The following SKAP2 variants were observed in gnomAD, a reference collection of about 807,000 sequenced individuals.
The protein encoded by SKAP2 is src kinase associated phosphoprotein 2.
In SKAP2, 28 loss-of-function variants were observed where a neutral mutation model predicts 54.9. The ratio of observed to expected loss-of-function variants is 0.51; its 90% CI spans 0.38 to 0.70. SKAP2 has a LOEUF of 0.70. SKAP2 is among the 30% of genes least tolerant of loss of function. The pLI, the probability that SKAP2 is intolerant of heterozygous loss-of-function variation, is 0.00. For synonymous variants in SKAP2, 137 were observed against 134.3 expected (o/e 1.02, Z -0.14); for missense variants, 356 against 424.1 (o/e 0.84, Z 1.41).
At chr7:26,817,396 CAG>C (rs1016649983) in intron 4 of SKAP2, among the ~76,000 whole-genome samples, 4 of 151,976 alleles carry the variant, frequency 2.6e-5, no homozygotes, top group African/African-American at 9.7e-5. Flanking sequence ...TATTAAAACT[CAG>C]TGGATAGTAA....
chr7:26,685,672 T>C (rs1025665670), intron 10 of SKAP2, among the ~76,000 whole-genome samples: 1 of 152,212 alleles, frequency 6.6e-6, no homozygotes, highest in Non-Finnish European at 1.5e-5. Flanking sequence ...TATTTAGCAC[T>C]TTCCACTCTG....
chr7:26,816,464 G>A (rs1297562706), intron 4 of SKAP2, among the ~76,000 whole-genome samples: 1 of 151,934 alleles, frequency 6.6e-6, no homozygotes, highest in East Asian at 1.9e-4. Flanking sequence ...AGATATTAAA[G>A]ATAAGAAAAT....
chr7:26,668,729 G>A lies in SKAP2; in HGVS notation c.*937C>T, dbSNP rs932233797. The A allele has an allele frequency of 3.4e-5, 5 of 146,414 alleles. No homozygotes were observed. The highest frequency in any genetic ancestry group is 7.0e-5 in the Admixed American group (1 of 14,322). 9.1% of individuals were successfully genotyped at this position (146,414 alleles called of 1,614,324 possible). A position where few individuals can be genotyped will look rare whatever the true frequency, so the allele number is the denominator to read the frequency against. ...CGCCCAGGCTGGAGTGCAGTGGCGC[G>A]ATCTTGGCTCACTGCAACCTCTGCC... On this transcript the variant is annotated 3_prime_UTR_variant, in exon 13 of 13. Transcript: ENST00000345317.
chr7:26,818,221 C>T (rs929762685), intron 4 of SKAP2, among the ~76,000 whole-genome samples: 7 of 151,956 alleles, frequency 4.6e-5, no homozygotes, highest in Non-Finnish European at 8.8e-5. Context: ...AACAGCATGG[C>T]ACTGGTACCA....
At chr7:26,677,953 A>G (rs1786389189) in intron 11 of SKAP2, among the ~76,000 whole-genome samples, 1 of 152,214 alleles carries the variant, frequency 6.6e-6, no homozygotes, top group African/African-American at 2.4e-5. Context: ...TTAACCTCTG[A>G]TATAGAAGAA....
At chr7:26,852,104 G>A (rs1449572481) in intron 3 of SKAP2, among the ~76,000 whole-genome samples, 1 of 152,048 alleles carries the variant, frequency 6.6e-6, no homozygotes, top group Non-Finnish European at 1.5e-5. Context: ...GAGAAAGGAC[G>A]GGAAAGCAGC....
chr7:26,840,748 T>C (rs1160317826), intron 4 of SKAP2, among the ~76,000 whole-genome samples: 3 of 152,080 alleles, frequency 2.0e-5, no homozygotes, highest in Non-Finnish European at 4.4e-5. Flanking sequence ...ATGAAACTTC[T>C]AATAAGTATA....
chr7:26,714,366 A>G (rs1291860979), intron 9 of SKAP2, among the ~76,000 whole-genome samples: 2 of 152,254 alleles, frequency 1.3e-5, no homozygotes, highest in African/African-American at 2.4e-5. Flanking sequence ...ATAAGTGGCT[A>G]TAAGCAGTTG....
chr7:26,763,597 C>T (rs1206360524), intron 4 of SKAP2, among the ~76,000 whole-genome samples: 1 of 152,118 alleles, frequency 6.6e-6, no homozygotes, highest in African/African-American at 2.4e-5. Flanking sequence ...ATTCTTCAAA[C>T]TTTCATTCAC....
chr7:26,726,016 A>C (rs1382874912), intron 7 of SKAP2, 30 bp from the exon 8 acceptor site: 1 of 1,414,836 alleles, frequency 7.1e-7, no homozygotes, highest in African/African-American at 1.4e-5. Context: ...AAGAACGAAA[A>C]TCACCATAGT....
the SKAP2 span, among the ~76,000 whole-genome samples, chr7:26,659,262 T>TA: frequency 1.5e-4 from 23 of 152,280 alleles, no homozygotes; most frequent in Middle Eastern, 3.4e-3. Flanking sequence ...TATGGCTTTT[T>TA]AAAAAATGCC....
At chr7:26,772,967 A>T (rs1783220236) in intron 4 of SKAP2, among the ~76,000 whole-genome samples, 2 of 152,248 alleles carry the variant, frequency 1.3e-5, no homozygotes, top group African/African-American at 4.8e-5. Flanking sequence ...ACCTGCCTTT[A>T]TGTAGTTTTA....
chr7:26,863,258 T>C (rs1785304612), intron 1 of SKAP2, among the ~76,000 whole-genome samples: 6 of 152,132 alleles, frequency 3.9e-5, no homozygotes, highest in Admixed American at 3.9e-4. Context: ...GCTATAGGAG[T>C]AACATATAAA....
chr7:26,779,158 AATGT>A (rs1193522099), intron 4 of SKAP2, among the ~76,000 whole-genome samples: 1 of 152,046 alleles, frequency 6.6e-6, no homozygotes, highest in African/African-American at 2.4e-5. Flanking sequence ...ATTCCATAAA[AATGT>A]CTGATGGGGG....
chr7:26,843,914 G>A (rs1025746905), intron 4 of SKAP2, 116 bp downstream of exon 4: 2 of 636,688 alleles, frequency 3.1e-6, no homozygotes, highest in East Asian at 5.3e-5. Flanking sequence ...AAAGGTTTTG[G>A]TAAAGGTAAG....
At chr7:26,787,544 A>G (rs1202776334) in intron 4 of SKAP2, among the ~76,000 whole-genome samples, 1 of 151,962 alleles carries the variant, frequency 6.6e-6, no homozygotes, top group African/African-American at 2.4e-5. Flanking sequence ...CCAGGCTGGT[A>G]TTGAACTCCT....
At chr7:26,845,668 C>G (rs1437454000) in intron 3 of SKAP2, among the ~76,000 whole-genome samples, 1 of 152,162 alleles carries the variant, frequency 6.6e-6, no homozygotes, top group Non-Finnish European at 1.5e-5. Context: ...GCAGTGCTCA[C>G]GCCTGTAATC....
intron 4 of SKAP2, among the ~76,000 whole-genome samples, chr7:26,840,388 T>C (rs953268943): frequency 4.6e-5 from 7 of 152,108 alleles, no homozygotes; most frequent in African/African-American, 1.7e-4. Context: ...AGACTTTCCA[T>C]AGTGCTATAT....
intron 4 of SKAP2, among the ~76,000 whole-genome samples, chr7:26,821,160 A>G (rs1784377711): frequency 6.6e-6 from 1 of 152,206 alleles, no homozygotes; most frequent in Non-Finnish European, 1.5e-5. Context: ...AGATACTAAA[A>G]GTACATCTGA....
Sources: gnomAD v4.1 joint callset for allele counts (sites outside exome capture counted in the v4.1 genomes callset) on GRCh38, gnomAD v4.1.1 for gene constraint, MANE v1.5 for transcripts, NCBI Gene and HGNC (gene_info 2026-07-23, HGNC 2026-07-21) for gene names.